NSUN3: variants seen among roughly 807,000 people sequenced by gnomAD.
NSUN3 encodes NOP2/Sun RNA methyltransferase 3, also known as tRNA (cytosine(34)-C(5))-methyltransferase, mitochondrial.
In NSUN3, 24 loss-of-function variants were observed where a neutral mutation model predicts 36.8. The observed-to-expected ratio is 0.65, with a 90% CI of 0.47 to 0.92. The LOEUF (loss-of-function observed/expected upper bound fraction) is 0.92. Among genes scored for constraint, NSUN3 ranks in the 40% least tolerant of loss-of-function variants. NSUN3 has a pLI of 0.00. For synonymous variants in NSUN3, 146 were observed against 145.2 expected (o/e 1.01, Z -0.04); for missense variants, 381 against 392.8 (o/e 0.97, Z 0.25).
intron 5 of NSUN3, among the ~76,000 whole-genome samples, chr3:94,117,030 G>A (rs938122556): frequency 1.1e-4 from 12 of 113,326 alleles, no homozygotes; most frequent in African/African-American, 1.4e-4. Context: ...ACAGAATCTC[G>A]CTCTATCATC....
At chr3:94,117,045 C>G (rs576296750) in intron 5 of NSUN3, among the ~76,000 whole-genome samples, 2 of 115,764 alleles carry the variant, frequency 1.7e-5, no homozygotes, top group African/African-American at 6.8e-5. Flanking sequence ...ATCATCTATG[C>G]TGGAGTGCAG....
intron 2 of NSUN3, among the ~76,000 whole-genome samples, chr3:94,068,782 A>G (rs1291211287): frequency 3.0e-5 from 3 of 100,644 alleles, no homozygotes; most frequent in Non-Finnish European, 5.9e-5. Flanking sequence ...GAGGAAAAAA[A>G]AATACACACA....
chr3:94,130,827 AC>A lies in NSUN3; in HGVS notation c.*4339del, dbSNP rs2077506301. ...AGCCACACAGTGGGAGCCTTGTTTGACCTTTTTTAACCTTTCCTGGTCAGGT... is the reference window on the plus strand; with the variant it reads ...AGCCACACAGTGGGAGCCTTGTTTGACTTTTTTAACCTTTCCTGGTCAGGT... On this transcript the variant is annotated 3_prime_UTR_variant, in exon 6 of 6. Transcript: ENST00000314622. Among the ~76,000 whole-genome samples, 1 of 151,940 alleles carries A rather than the reference AC, an allele frequency of 6.6e-6. No individual in the cohort carries two copies. Among genetic ancestry groups the A allele is most frequent in the Admixed American group, 6.6e-5 (1 of 15,244 alleles).
intron 5 of NSUN3, among the ~76,000 whole-genome samples, chr3:94,105,858 C>T (rs535964616): frequency 2.7e-5 from 4 of 149,938 alleles, no homozygotes; most frequent in Admixed American, 2.0e-4. Flanking sequence ...CAGGTCAATT[C>T]TGGTGGTTTT....
chr3:94,066,826 A>G (rs1049637761), intron 2 of NSUN3, among the ~76,000 whole-genome samples: 2 of 152,160 alleles, frequency 1.3e-5, no homozygotes, highest in Admixed American at 6.5e-5. Flanking sequence ...TGCTACCTGC[A>G]TATTTTATCT....
At chr3:94,081,667 T>C (rs1482663157) in intron 2 of NSUN3, 1 of 152,204 alleles carries the variant, frequency 6.6e-6, no homozygotes, top group Non-Finnish European at 1.5e-5. Flanking sequence ...AAGCTAATGT[T>C]GTTCCTGAAT....
At position 94,128,456 on chromosome 3, in the gene NSUN3, A is replaced by G. The variant is rs2077496571; in HGVS notation, c.*1966A>G. The G allele has an allele frequency of 6.6e-6, 1 of 151,688 alleles. No individual in the cohort carries two copies. Among genetic ancestry groups the G allele is most frequent in the Admixed American group, 6.6e-5 (1 of 15,204 alleles). 9.4% of individuals were successfully genotyped at this position (151,688 alleles called of 1,614,324 possible). On this transcript the variant is annotated 3_prime_UTR_variant, in exon 6 of 6. Coordinates refer to ENST00000314622, the MANE Select transcript of NSUN3 (RefSeq NM_022072.5). The stretch of plus-strand genomic sequence containing the variant: ...TAAATCTGCACACTGTACTTTGTTA[A>G]ATGTCGGTATTTTCCCAGTATAATG...
At chr3:94,107,777 G>A (rs531879334) in intron 5 of NSUN3, among the ~76,000 whole-genome samples, 114 of 152,094 alleles carry the variant, frequency 7.5e-4, no homozygotes, top group African/African-American at 2.7e-3. Context: ...GCCATGTTCC[G>A]TAAAGTCAAG....
chr3:94,074,798 C>T (rs559307718), intron 2 of NSUN3, among the ~76,000 whole-genome samples: 6 of 152,288 alleles, frequency 3.9e-5, no homozygotes, highest in African/African-American at 1.4e-4. Context: ...CCCTTTATTT[C>T]CTTCTCGTGC....
intron 5 of NSUN3, among the ~76,000 whole-genome samples, chr3:94,108,267 T>G (rs1182465040): frequency 6.6e-6 from 1 of 152,220 alleles, no homozygotes; most frequent in Non-Finnish European, 1.5e-5. Flanking sequence ...GAATTTTTGT[T>G]AGTTTCAATT....
chr3:94,104,738 A>G (rs938061410), intron 5 of NSUN3, among the ~76,000 whole-genome samples: 2 of 152,232 alleles, frequency 1.3e-5, no homozygotes, highest in Non-Finnish European at 2.9e-5. Flanking sequence ...ATTATTACAC[A>G]TAGAGGGTAG....
In NSUN3 at chr3:94,126,231, G is replaced by A. The variant is rs751596235; in HGVS notation, c.764G>A (p.Arg255His). 1.8e-5 allele frequency: 29 copies of A among 1,613,644 alleles called. No individual in the cohort carries two copies. The highest frequency in any genetic ancestry group is 8.0e-5 in the African/African-American group (6 of 74,902). ...ELLRSAIKALRPGGILVYSTC... is the reference protein window; with the variant it reads ...ELLRSAIKALHPGGILVYSTC... ...CACAGGTCTGCAATTAAGGCCTTACGTCCTGGAGGGATACTTGTATACTCT... is the reference window on the plus strand; with the variant it reads ...CACAGGTCTGCAATTAAGGCCTTACATCCTGGAGGGATACTTGTATACTCT... The change falls in exon 6 of 6, where the codon CGT becomes CAT. Residue 255 changes from arginine to histidine, a missense_variant. Physicochemically the swap from Arg to His is conservative, Grantham distance 29. Coordinates refer to ENST00000314622, the MANE Select transcript of NSUN3 (RefSeq NM_022072.5).
intron 3 of NSUN3, among the ~76,000 whole-genome samples, chr3:94,090,951 G>T (rs905771477): frequency 7.9e-5 from 12 of 152,130 alleles, no homozygotes; most frequent in Non-Finnish European, 1.3e-4. Flanking sequence ...AGGTAAACCA[G>T]GAAGAAATTG....
rs185421838 is a variant in NSUN3 at position 94,118,744 on chromosome 3, T to A, written c.744-7467T>A. Among the ~76,000 whole-genome samples the A allele has an allele frequency of 2.9e-4, 44 of 152,278 alleles. No homozygotes were observed. The East Asian group carries it at 8.5e-3, about 29-fold the overall frequency. ...AATGGCACAGACATTTACACAAGCA[T>A]AGAGAACCCAACCTGTCTTTTTTTT... On this transcript the variant is annotated intron_variant, in intron 5 of 5. Coordinates refer to ENST00000314622, the MANE Select transcript of NSUN3 (RefSeq NM_022072.5).
At chr3:94,109,881 C>T (rs892480234) in intron 5 of NSUN3, among the ~76,000 whole-genome samples, 1 of 152,164 alleles carries the variant, frequency 6.6e-6, no homozygotes, top group Admixed American at 6.5e-5. Context: ...ATTCTGAGTA[C>T]GCCTTCAGAA....
Position 94,084,377 on chromosome 3 carries a change from T to C in NSUN3, c.393T>C (p.Asp131=). 1 of 1,614,138 alleles carries C rather than the reference T, an allele frequency of 6.2e-7. No homozygotes were observed. Among genetic ancestry groups the C allele is most frequent in the South Asian group, 1.1e-5 (1 of 91,086 alleles). ...LLPVLALELR[D]GEKVLDLCAA... The stretch of plus-strand genomic sequence containing the variant: ...CAGTGTTGGCTCTGGAATTAAGGGA[T>C]GGGGAGAAGGTTCTGGATCTCTGTG... Residue 131 remains aspartate (D), a synonymous_variant, in exon 3 of 6, where the codon GAT becomes GAC. Transcript: ENST00000314622.
intron 5 of NSUN3, among the ~76,000 whole-genome samples, chr3:94,113,799 C>T (rs536067224): frequency 7.3e-4 from 111 of 152,240 alleles, no homozygotes; most frequent in African/African-American, 2.6e-3. Context: ...TACCAAGTTA[C>T]TTGGAATAAC....
chr3:94,081,579 TG>T (rs1273717034), intron 2 of NSUN3: 2 of 152,250 alleles, frequency 1.3e-5, no homozygotes, highest in Admixed American at 1.3e-4. Flanking sequence ...GGCTTTGTCC[TG>T]AAACTTCCTT....
intron 5 of NSUN3, among the ~76,000 whole-genome samples, chr3:94,102,734 A>G (rs2077371123): frequency 6.6e-6 from 1 of 152,162 alleles, no homozygotes; most frequent in African/African-American, 2.4e-5. Context: ...AAGATTGAGG[A>G]GCCATCCAAA....
Sources: allele counts gnomAD v4.1 joint callset (sites outside exome capture counted in the v4.1 genomes callset), GRCh38; gene constraint gnomAD v4.1.1; transcripts MANE v1.5; gene names NCBI Gene and HGNC (gene_info 2026-07-23, HGNC 2026-07-21).